Variants in NCAPG2 observed in about 807,000 individuals in gnomAD.
NCAPG2 encodes the protein non-SMC condensin II complex subunit G2.
NCAPG2 carries 53 observed loss-of-function variants against 141.1 expected under a neutral mutation model. The ratio of observed to expected loss-of-function variants is 0.38; its 90% CI spans 0.30 to 0.47. The LOEUF is 0.47. Ranked by LOEUF, NCAPG2 falls within the 20% of genes least tolerant of loss-of-function variation. The pLI is 0.99. For missense variants in NCAPG2, 1,087 were observed against 1,389.0 expected (o/e 0.78, Z 3.46); for synonymous variants, 499 against 490.7 (o/e 1.02, Z -0.22).
intron 24 of NCAPG2, among the ~76,000 whole-genome samples, chr7:158,649,772 GTTT>G (rs1831341955): frequency 6.6e-6 from 1 of 152,068 alleles, no homozygotes; most frequent in African/African-American, 2.4e-5. Flanking sequence ...TTCCCTGTCA[GTTT>G]TTATCTTTTC....
intron 16 of NCAPG2, among the ~76,000 whole-genome samples, chr7:158,661,115 CA>C (rs1279518842): frequency 6.6e-6 from 1 of 152,162 alleles, no homozygotes; most frequent in East Asian, 1.9e-4. Context: ...GCAACTAATA[CA>C]ATCTGCTTTC....
In NCAPG2 at chr7:158,693,481, G is replaced by A. The variant is rs1835255156; in HGVS notation, c.95C>T (p.Pro32Leu). 6.2e-7 allele frequency: 1 copy of A among 1,611,482 alleles called. No homozygotes were observed. Among genetic ancestry groups the A allele is most frequent in the African/African-American group, 1.3e-5 (1 of 74,764 alleles). Reference protein sequence around the residue: ...FVQLDKEASDPFSLNELLDEL... With the variant: ...FVQLDKEASDLFSLNELLDEL... ...ATCTAGTAATTCATTTAGGCTGAAA[G>A]GATCAGAGGCCTCTTTCTGTAACAT... The change falls in exon 3 of 28, where the codon CCT becomes CTT. Residue 32 changes from proline (P) to leucine (L), a missense_variant. Pro to Leu is a moderately conservative substitution (Grantham distance 98). Coordinates refer to ENST00000356309, the MANE Select transcript of NCAPG2 (RefSeq NM_017760.7).
rs771017297 is a variant in NCAPG2 at position 158,701,893 on chromosome 7, T to C, written c.7A>G (p.Lys3Glu). The C allele has an allele frequency of 2.5e-6, 4 of 1,613,112 alleles. No homozygotes were observed. In the South Asian group the frequency reaches 4.4e-5, roughly 18 times the overall value. Residue 3 changes from lysine (K) to glutamate (E), a missense_variant, in exon 2 of 28, where the codon AAA (lysine) becomes GAA (glutamate). Physicochemically the swap from Lys to Glu is moderately conservative, Grantham distance 56 (BLOSUM62 1). Coordinates refer to ENST00000356309, the MANE Select transcript of NCAPG2 (RefSeq NM_017760.7). ...ACGGCTTGTACAAACGTCTCACGTT[T>C]TTCCATGACAGATGGCACTGTTCAA... Reference protein sequence around the residue: MEKRETFVQAVSK... With the variant: MEERETFVQAVSK...
intron 24 of NCAPG2, among the ~76,000 whole-genome samples, chr7:158,650,218 TG>T (rs1831382944): frequency 6.6e-6 from 1 of 152,262 alleles, no homozygotes; most frequent in African/African-American, 2.4e-5. Flanking sequence ...GCTAATTTTT[TG>T]TATCTTTAGT....
intron 17 of NCAPG2, among the ~76,000 whole-genome samples, 189 bp downstream of exon 17, chr7:158,658,149 T>TAA (rs11444440): frequency 0.024 from 2,381 of 97,444 alleles, 27 homozygotes; most frequent in Admixed American, 0.05. Flanking sequence ...GAATGATCAA[T>TAA]AAAAAAAAAA....
Position 158,637,343 on chromosome 7 carries a change from C to T in NCAPG2, c.3381-5626G>A, listed in dbSNP as rs560228500. Among the ~76,000 whole-genome samples, 3 of 152,268 alleles carry T rather than the reference C, an allele frequency of 2.0e-5. No homozygotes were observed. In the South Asian group the frequency reaches 6.2e-4, roughly 32 times the overall value. ...ATTTCATTCACTCAGTCGCTAGGAG[C>T]CCAAACCCACCCACCTGCTTTAGTG... On this transcript the variant is annotated intron_variant, in intron 27 of 27. Coordinates refer to ENST00000356309, the MANE Select transcript of NCAPG2 (RefSeq NM_017760.7).
intron 13 of NCAPG2, among the ~76,000 whole-genome samples, chr7:158,666,500 A>T (rs1832947808): frequency 1.3e-5 from 2 of 151,742 alleles, no homozygotes; most frequent in South Asian, 4.2e-4. Context: ...TCCCACTTTA[A>T]AGGTAAGAAG....
intron 6 of NCAPG2, among the ~76,000 whole-genome samples, chr7:158,688,088 C>T (rs1163484954): frequency 6.6e-6 from 1 of 151,916 alleles, no homozygotes; most frequent in East Asian, 1.9e-4. Context: ...CATCTCTTAC[C>T]AGCACACCAC....
At chr7:158,637,587 C>G (rs1830373446) in intron 27 of NCAPG2, among the ~76,000 whole-genome samples, 1 of 152,090 alleles carries the variant, frequency 6.6e-6, no homozygotes. Context: ...TCCAGCAGCT[C>G]CCCAGCACCT....
chr7:158,662,117 T>A (rs147930701), intron 16 of NCAPG2, 77 bp downstream of exon 16: 1 of 1,364,320 alleles, frequency 7.3e-7, no homozygotes, highest in African/African-American at 1.5e-5. Flanking sequence ...GAGGTAAACA[T>A]GTTTGAGAAC....
intron 8 of NCAPG2, among the ~76,000 whole-genome samples, chr7:158,683,739 A>AGGTCTT (rs1834582929): frequency 6.6e-6 from 1 of 152,202 alleles, no homozygotes; most frequent in Non-Finnish European, 1.5e-5. Context: ...CTGACTCATC[A>AGGTCTT]CTGACCTGGA....
intron 7 of NCAPG2, among the ~76,000 whole-genome samples, chr7:158,686,445 G>A (rs990227167): frequency 1.3e-5 from 2 of 152,088 alleles, no homozygotes; most frequent in African/African-American, 2.4e-5. Flanking sequence ...CTGAAGTGAC[G>A]AACTATTTCA....
chr7:158,634,345 C>T (rs932666330), intron 27 of NCAPG2, among the ~76,000 whole-genome samples: 133 of 152,070 alleles, frequency 8.7e-4, no homozygotes, highest in Non-Finnish European at 5.7e-4. Context: ...TATACTATAT[C>T]GTCTATATTG....
intron 19 of NCAPG2, 29 bp from the exon 20 acceptor site, chr7:158,655,484 T>A (rs371026277): frequency 2.5e-6 from 4 of 1,573,446 alleles, no homozygotes; most frequent in East Asian, 2.2e-5. Context: ...AAGGGCCACA[T>A]GCTGACTGAC....
chr7:158,646,559 G>A lies in NCAPG2; in HGVS notation c.3080C>T (p.Ser1027Phe), dbSNP rs763705621. ...TGGAGGGGTAAGCTCTTCTACGTCA[G>A]AAACCTAAAAAAGTTCCAAATCAGC... ...VEISHQLRKV[S>F]DVEELTPPEH... Residue 1027 changes from serine to phenylalanine, a missense_variant, in exon 25 of 28, where the codon TCT (serine) becomes TTT (phenylalanine). By Grantham distance (155) the Ser-to-Phe change is radical. Transcript: ENST00000356309. 3.8e-5 allele frequency: 60 copies of A among 1,569,162 alleles called. No homozygotes were observed. Among genetic ancestry groups the A allele is most frequent in the Non-Finnish European group, 5.1e-5 (59 of 1,165,960 alleles).
At chr7:158,682,237 CAT>C (rs1834492438) in intron 9 of NCAPG2, among the ~76,000 whole-genome samples, 1 of 152,006 alleles carries the variant, frequency 6.6e-6, no homozygotes, top group East Asian at 1.9e-4. Flanking sequence ...TACATAAATA[CAT>C]AGTTTAATGC....
intron 13 of NCAPG2, chr7:158,667,074 T>C (rs893077871): frequency 8.4e-6 from 8 of 949,276 alleles, no homozygotes; most frequent in South Asian, 4.9e-5. Context: ...CTGCCTCTTA[T>C]ACTCATGTCA....
At chr7:158,654,808 A>G in intron 21 of NCAPG2, 114 bp from the exon 22 acceptor site, 2 of 1,433,430 alleles carry the variant, frequency 1.4e-6, no homozygotes, top group Non-Finnish European at 1.8e-6. Context: ...GCAGATTTTT[A>G]TAAAGATGTT....
At position 158,648,797 on chromosome 7, in the gene NCAPG2, C is replaced by T. The variant is rs77420773; in HGVS notation, c.3075+2035G>A. On this transcript the variant is annotated intron_variant, in intron 24 of 27. Transcript: ENST00000356309. Reference sequence around the variant, plus strand: ...TGGACCACAACCACGCCAAATGGACCACAACCACGCCAAATGGACCACAAC... The same window carrying T: ...TGGACCACAACCACGCCAAATGGACTACAACCACGCCAAATGGACCACAAC... 9.7e-4 allele frequency among the ~76,000 whole-genome samples: 13 copies of T among 13,392 alleles called. 2 individuals are homozygous for T. The South Asian group carries it at 0.013, about 13-fold the overall frequency. 8.8% of individuals were successfully genotyped at this position (13,392 alleles called of 152,430 possible). A position where few individuals can be genotyped will look rare whatever the true frequency, so the allele number is the denominator to read the frequency against.
Sources: allele counts gnomAD v4.1 joint callset (sites outside exome capture counted in the v4.1 genomes callset), GRCh38; gene constraint gnomAD v4.1.1; transcripts MANE v1.5; gene names NCBI Gene and HGNC (gene_info 2026-07-23, HGNC 2026-07-21).